Variants in DCAF8L2 observed in about 807,000 individuals in gnomAD.
DCAF8L2 encodes the protein DDB1 and CUL4 associated factor 8 like 2, also known as DDB1- and CUL4-associated factor 8-like protein 2.
For synonymous variants in DCAF8L2, 200 were observed against 190.9 expected, an observed-to-expected ratio of 1.05 and a Z score of -0.39; for missense variants, 430 against 490.7, an observed-to-expected ratio of 0.88 and a Z score of 1.17.
intron 1 of DCAF8L2, among the ~76,000 whole-genome samples, chrX:27,595,187 C>T (rs1204093989): frequency 1.8e-5 from 2 of 111,583 alleles, no homozygotes; most frequent in African/African-American, 6.5e-5. Flanking sequence ...GCTTCCTGGC[C>T]TCAAATACCA....
the DCAF8L2 span, among the ~76,000 whole-genome samples, chrX:27,560,401 C>T: frequency 2.2e-3 from 248 of 111,658 alleles, 2 homozygotes; most frequent in Non-Finnish European, 3.4e-3. Context: ...TATCAACTTG[C>T]GCCCGCATAC....
intron 4 of DCAF8L2, among the ~76,000 whole-genome samples, chrX:27,728,329 T>C (rs776318879): frequency 2.7e-5 from 3 of 111,095 alleles, no homozygotes; most frequent in Non-Finnish European, 3.8e-5. Flanking sequence ...GTTGTTGTTG[T>C]TGTTGTTGTT....
the DCAF8L2 span, among the ~76,000 whole-genome samples, chrX:27,485,945 T>TG: frequency 1.1e-5 from 1 of 93,932 alleles, no homozygotes; most frequent in African/African-American, 4.4e-5. Flanking sequence ...TTTTTTTTTT[T>TG]GTGGTAGAAA....
chrX:27,520,700 A>AAT, the DCAF8L2 span, among the ~76,000 whole-genome samples: 14 of 112,206 alleles, frequency 1.2e-4, no homozygotes, highest in Non-Finnish European at 2.1e-4. Context: ...CCTATCTGTT[A>AAT]AATAATAAAG....
the DCAF8L2 span, among the ~76,000 whole-genome samples, chrX:27,556,835 C>T: frequency 8.9e-6 from 1 of 112,010 alleles, no homozygotes; most frequent in Non-Finnish European, 1.9e-5. Flanking sequence ...GTGCTTTTCA[C>T]CTGCCAAATG....
chrX:27,565,833 C>T, the DCAF8L2 span, among the ~76,000 whole-genome samples: 1 of 110,281 alleles, frequency 9.1e-6, no homozygotes, highest in Non-Finnish European at 1.9e-5. Flanking sequence ...GAGTTGACTA[C>T]AAAGGTTTTT....
chrX:27,681,827 TCAAAATTC>T (rs1930339496), intron 3 of DCAF8L2, among the ~76,000 whole-genome samples: 1 of 112,352 alleles, frequency 8.9e-6, no homozygotes, highest in Non-Finnish European at 1.9e-5. Flanking sequence ...ATTTTCTAAT[TCAAAATTC>T]CCAGAGCCTA....
the DCAF8L2 span, among the ~76,000 whole-genome samples, chrX:27,537,223 G>A: frequency 2.7e-5 from 3 of 111,846 alleles, no homozygotes; most frequent in African/African-American, 9.8e-5. Flanking sequence ...GGTAGGAAAG[G>A]GTAGGGCACA....
chrX:27,622,831 G>T (rs1313383537), intron 1 of DCAF8L2, among the ~76,000 whole-genome samples: 4 of 110,969 alleles, frequency 3.6e-5, no homozygotes, highest in Non-Finnish European at 3.8e-5. Context: ...TTGGGTTGAT[G>T]ACTTTATTTC....
chrX:27,518,003 T>A, the DCAF8L2 span: 1 of 1,118,816 alleles, frequency 8.9e-7, no homozygotes, highest in Non-Finnish European at 1.2e-6. Context: ...TGGCTTAAAC[T>A]AAATAAAAAG....
At chrX:27,640,867 G>C (rs950916731) in intron 2 of DCAF8L2, among the ~76,000 whole-genome samples, 1 of 111,447 alleles carries the variant, frequency 9.0e-6, no homozygotes, top group Non-Finnish European at 1.9e-5. Flanking sequence ...AATGACTAAT[G>C]ATGTTCATAT....
At chrX:27,578,616 G>A in the DCAF8L2 span, among the ~76,000 whole-genome samples, 2 of 111,411 alleles carry the variant, frequency 1.8e-5, no homozygotes, top group African/African-American at 3.3e-5. Flanking sequence ...AGAGTGAACA[G>A]GCAACCTACA....
At chrX:27,615,820 A>C in intron 1 of DCAF8L2, among the ~76,000 whole-genome samples, 1 of 111,511 alleles carries the variant, frequency 9.0e-6, no homozygotes, top group East Asian at 2.8e-4. Flanking sequence ...CAATGTCATT[A>C]AAACCTCTTA....
At chrX:27,487,802 A>G in the DCAF8L2 span, among the ~76,000 whole-genome samples, 2 of 111,805 alleles carry the variant, frequency 1.8e-5, no homozygotes, top group East Asian at 5.6e-4. Context: ...TCACAGCCTT[A>G]GCCAACCAGT....
At chrX:27,534,843 A>T in the DCAF8L2 span, among the ~76,000 whole-genome samples, 5 of 111,036 alleles carry the variant, frequency 4.5e-5, no homozygotes, top group South Asian at 1.1e-3. Flanking sequence ...TGTGCTCCTT[A>T]CTCTTTTAAC....
the DCAF8L2 span, among the ~76,000 whole-genome samples, chrX:27,565,486 T>C: frequency 8.9e-6 from 1 of 112,145 alleles, no homozygotes; most frequent in Non-Finnish European, 1.9e-5. Context: ...TTTACTCTTA[T>C]GTTATCAGGG....
At position 27,748,763 on chromosome X, in the gene DCAF8L2, A is replaced by G. The variant is rs1314429748; in HGVS notation, c.1868A>G (p.Gln623Arg). ...STSETSEEEV[Q>R]DRVQCMPS ...TCAGAGACATCTGAGGAGGAGGTCCAAGACCGAGTGCAGTGCATGCCATCC... is the reference window on the plus strand; with the variant it reads ...TCAGAGACATCTGAGGAGGAGGTCCGAGACCGAGTGCAGTGCATGCCATCC... Residue 623 changes from glutamine to arginine, a missense_variant, in exon 5 of 5, where the codon CAA (glutamine) becomes CGA (arginine). Gln to Arg is a conservative substitution (Grantham distance 43). Transcript: ENST00000451261. The G allele has an allele frequency of 1.7e-6, 2 of 1,203,613 alleles. No individual in the cohort carries two copies. The highest frequency in any genetic ancestry group is 3.5e-5 in the African/African-American group (2 of 57,148).
intron 2 of DCAF8L2, among the ~76,000 whole-genome samples, chrX:27,641,893 T>C (rs112523634): frequency 9.4e-6 from 1 of 105,970 alleles, no homozygotes; most frequent in African/African-American, 3.4e-5. Flanking sequence ...GTACTTTTTT[T>C]AAATTTTTTT....
chrX:27,612,880 C>T (rs185774694), intron 1 of DCAF8L2, among the ~76,000 whole-genome samples: 63 of 111,538 alleles, frequency 5.6e-4, no homozygotes, highest in Non-Finnish European at 8.7e-4. Flanking sequence ...AGTCAGGTAG[C>T]GTGATACCTC....
Sources: gnomAD v4.1 joint callset for allele counts (sites outside exome capture counted in the v4.1 genomes callset) on GRCh38, gnomAD v4.1.1 for gene constraint, MANE v1.5 for transcripts, NCBI Gene and HGNC (gene_info 2026-07-23, HGNC 2026-07-21) for gene names.